Variants in CNTNAP2 observed in about 807,000 individuals in gnomAD.
CNTNAP2 encodes contactin associated protein 2.
In CNTNAP2, 98 loss-of-function variants were observed where a neutral mutation model predicts 155.2. The ratio of observed to expected loss-of-function variants is 0.63; its 90% CI spans 0.54 to 0.75. The LOEUF is 0.75. Among genes scored for constraint, CNTNAP2 ranks in the 30% least tolerant of loss-of-function variants. The pLI, the probability that CNTNAP2 is intolerant of heterozygous loss-of-function variation, is 0.00. For missense variants in CNTNAP2, 1,727 were observed against 1,688.1 expected (o/e 1.02, Z -0.40); for synonymous variants, 651 against 631.2 (o/e 1.03, Z -0.47).
intron 3 of CNTNAP2, among the ~76,000 whole-genome samples, chr7:147,025,512 GAAGAA>G (rs1798901445): frequency 1.2e-5 from 1 of 82,044 alleles, no homozygotes; most frequent in Non-Finnish European, 2.3e-5. Flanking sequence ...GGGACGGGGA[GAAGAA>G]AGTGGGGAGG....
intron 9 of CNTNAP2, among the ~76,000 whole-genome samples, chr7:147,378,985 C>A (rs1796488377): frequency 6.6e-6 from 1 of 152,006 alleles, no homozygotes; most frequent in Non-Finnish European, 1.5e-5. Context: ...CAGTTCCCCC[C>A]ATGCTATTCT....
rs139705501 is a variant in CNTNAP2, at chr7:146,799,787, A to G, written c.208+25406A>G. Among the ~76,000 whole-genome samples, 316 of 152,240 alleles carry G rather than the reference A, an allele frequency of 2.1e-3. 2 individuals are homozygous for G. The highest frequency in any genetic ancestry group is 5.8e-3 in the African/African-American group (240 of 41,526). Reference sequence around the variant, plus strand: ...TGTGATTTTTGTGCAAATTACCTACATTTCTGGACCTCTATCTCTTCACTT... The same window carrying G: ...TGTGATTTTTGTGCAAATTACCTACGTTTCTGGACCTCTATCTCTTCACTT... On this transcript the variant is annotated intron_variant, in intron 2 of 23. Coordinates refer to ENST00000361727, the MANE Select transcript of CNTNAP2 (RefSeq NM_014141.6).
intron 13 of CNTNAP2, among the ~76,000 whole-genome samples, chr7:147,852,468 A>C (rs756553608): frequency 6.6e-6 from 1 of 152,198 alleles, no homozygotes; most frequent in African/African-American, 2.4e-5. Flanking sequence ...AGAAGTCTTA[A>C]TGTCGACTCT....
intron 9 of CNTNAP2, among the ~76,000 whole-genome samples, chr7:147,361,596 A>T (rs1310893890): frequency 2.0e-5 from 3 of 152,208 alleles, no homozygotes; most frequent in Non-Finnish European, 2.9e-5. Flanking sequence ...TTCACAAAAA[A>T]CAACCTCAAA....
chr7:147,798,139 C>A (rs1797930361), intron 13 of CNTNAP2, among the ~76,000 whole-genome samples: 1 of 152,070 alleles, frequency 6.6e-6, no homozygotes, highest in Admixed American at 6.5e-5. Context: ...ACATTGTTGT[C>A]ACAGTGCACG....
intron 1 of CNTNAP2, among the ~76,000 whole-genome samples, chr7:146,120,296 C>G (rs1797543002): frequency 6.6e-6 from 1 of 152,014 alleles, no homozygotes; most frequent in African/African-American, 2.4e-5. Flanking sequence ...TTTAGGCAAG[C>G]AAAATTCATT....
At position 146,588,793 on chromosome 7, in the gene CNTNAP2, G is replaced by A. The variant is rs111921841; in HGVS notation, c.98-185478G>A. On this transcript the variant is annotated intron_variant, in intron 1 of 23. Transcript: ENST00000361727. The stretch of plus-strand genomic sequence containing the variant: ...CAAAATGCTGGGGTTACAGGTGTGA[G>A]CCACTGTGCCTGGCCCACATATGAA... Among the ~76,000 whole-genome samples, 1,375 of 152,192 alleles carry A rather than the reference G, an allele frequency of 9.0e-3. 16 individuals carry two copies. The highest frequency in any genetic ancestry group is 0.03 in the African/African-American group (1,237 of 41,516).
intron 9 of CNTNAP2, among the ~76,000 whole-genome samples, chr7:147,302,117 A>G (rs1794955867): frequency 6.6e-6 from 1 of 152,214 alleles, no homozygotes; most frequent in Admixed American, 6.5e-5. Flanking sequence ...AGAAAAAACA[A>G]CTCAATAGCC....
chr7:148,094,608 CT>C (rs1261704247), intron 15 of CNTNAP2, among the ~76,000 whole-genome samples: 1 of 152,094 alleles, frequency 6.6e-6, no homozygotes, highest in African/African-American at 2.4e-5. Context: ...ACTGGAGAGA[CT>C]TTGGAGCTGG....
chr7:147,531,953 C>T (rs1181240364), intron 11 of CNTNAP2, among the ~76,000 whole-genome samples: 1 of 151,884 alleles, frequency 6.6e-6, no homozygotes, highest in East Asian at 1.9e-4. Flanking sequence ...ACTACAGGTG[C>T]CTGCCACCAT....
Position 147,560,168 on chromosome 7 carries a change from C to CAAAAAAAAAAAA in CNTNAP2, c.1778-1958_1778-1947dup, listed in dbSNP as rs71183016. 1.4e-3 allele frequency among the ~76,000 whole-genome samples: 75 copies of CAAAAAAAAAAAA among 52,816 alleles called. 2 individuals are homozygous for CAAAAAAAAAAAA. The highest frequency in any genetic ancestry group is 4.9e-3 in the African/African-American group (70 of 14,300). The allele number at this position is 52,816 out of a possible 152,430, so 34.6% of individuals were successfully genotyped here. ...GGGCAACAAGAACGAAACTCCGTCTCAAAAAAAAAAAAAAAAAAAAAAATT... is the reference window on the plus strand; with the variant it reads ...GGGCAACAAGAACGAAACTCCGTCTCAAAAAAAAAAAAAAAAAAAAAAAAAAAAAAAAAAATT... On this transcript the variant is annotated intron_variant, in intron 11 of 23. Transcript: ENST00000361727.
rs144915263 is a variant in CNTNAP2 at position 147,869,457 on chromosome 7, T to C, written c.2099-34108T>C. Among the ~76,000 whole-genome samples, 1,169 of 152,244 alleles carry C rather than the reference T, an allele frequency of 7.7e-3. 18 individuals carry two copies. Among genetic ancestry groups the C allele is most frequent in the African/African-American group, 0.027 (1,134 of 41,534 alleles). On this transcript the variant is annotated intron_variant, in intron 13 of 23. Coordinates refer to ENST00000361727, the MANE Select transcript of CNTNAP2 (RefSeq NM_014141.6). ...TGTTAAGAGAATGAGAATTTCAAAG[T>C]ACAACTACTGAAAAAGCCAAATTTA... is the stretch of plus-strand genomic sequence containing the variant.
intron 8 of CNTNAP2, among the ~76,000 whole-genome samples, chr7:147,234,108 C>T (rs1399161127): frequency 6.7e-6 from 1 of 150,208 alleles, no homozygotes; most frequent in East Asian, 2.0e-4. Context: ...TAACCTCAAA[C>T]TCACAGAATA....
At chr7:148,050,506 A>G (rs1449542472) in intron 15 of CNTNAP2, among the ~76,000 whole-genome samples, 2 of 152,160 alleles carry the variant, frequency 1.3e-5, no homozygotes, top group Non-Finnish European at 2.9e-5. Flanking sequence ...GTGTTATCAC[A>G]AAAGAGTAAA....
intron 1 of CNTNAP2, among the ~76,000 whole-genome samples, chr7:146,214,410 C>G (rs802535): frequency 0.7 from 106,258 of 152,118 alleles, 37,994 homozygotes; most frequent in East Asian, 0.94. Flanking sequence ...ATTTACATAC[C>G]TGGCTTTGTT....
At chr7:147,506,439 G>C (rs1798907934) in intron 11 of CNTNAP2, among the ~76,000 whole-genome samples, 1 of 152,028 alleles carries the variant, frequency 6.6e-6, no homozygotes, top group African/African-American at 2.4e-5. Context: ...ATTTTTAGTA[G>C]AGACAAGGTT....
At chr7:146,746,999 C>G (rs957292658) in intron 1 of CNTNAP2, among the ~76,000 whole-genome samples, 1 of 152,046 alleles carries the variant, frequency 6.6e-6, no homozygotes, top group Non-Finnish European at 1.5e-5. Context: ...GAGTATAAAG[C>G]TCTTGATACG....
rs145635103 is a variant in CNTNAP2, at chr7:148,341,060, T to C, written c.3476-42589T>C. Among the ~76,000 whole-genome samples, 336 of 152,356 alleles carry C rather than the reference T, an allele frequency of 2.2e-3. 1 individual carries two copies. The highest frequency in any genetic ancestry group is 4.6e-3 in the South Asian group (22 of 4,826). ...AGCGACTGCTGATCCAGGAATTCCA[T>C]GCACATATGCTATGCACTTAGCGCT... On this transcript the variant is annotated intron_variant, in intron 21 of 23. Coordinates refer to ENST00000361727, the MANE Select transcript of CNTNAP2 (RefSeq NM_014141.6).
chr7:148,146,586 G>T (rs1805182967), intron 16 of CNTNAP2, among the ~76,000 whole-genome samples: 1 of 152,216 alleles, frequency 6.6e-6, no homozygotes, highest in South Asian at 2.1e-4. Context: ...GTCAGTGCTA[G>T]AGGGTAGGTT....
Sources: allele counts gnomAD v4.1 joint callset (sites outside exome capture counted in the v4.1 genomes callset), GRCh38; gene constraint gnomAD v4.1.1; transcripts MANE v1.5; gene names NCBI Gene and HGNC (gene_info 2026-07-23, HGNC 2026-07-21).